GABRB1: variants seen among roughly 807,000 people sequenced by gnomAD.
GABRB1 encodes the protein gamma-aminobutyric acid receptor subunit beta-1.
In GABRB1, 17 loss-of-function variants were observed where a neutral mutation model predicts 51.6. The ratio of observed to expected loss-of-function variants is 0.33; its 90% CI spans 0.23 to 0.49. The LOEUF is 0.49. GABRB1 is among the 20% of genes least tolerant of loss of function. GABRB1 has a pLI of 0.99. For synonymous variants in GABRB1, 247 were observed against 218.9 expected (o/e 1.13, Z -1.14); for missense variants, 410 against 600.6 (o/e 0.68, Z 3.32).
intron 3 of GABRB1, among the ~76,000 whole-genome samples, chr4:47,053,661 C>T (rs897549502): frequency 6.6e-6 from 1 of 152,190 alleles, no homozygotes; most frequent in Non-Finnish European, 1.5e-5. Context: ...TGGGCTGTCA[C>T]TGGAAAGAAG....
chr4:47,387,715 G>C (rs903751430), intron 5 of GABRB1, among the ~76,000 whole-genome samples: 2 of 152,176 alleles, frequency 1.3e-5, no homozygotes, highest in Admixed American at 6.5e-5. Flanking sequence ...GGCATGGGGG[G>C]ATCTCATCCA....
At chr4:47,379,054 G>C (rs976555163) in intron 5 of GABRB1, among the ~76,000 whole-genome samples, 1 of 152,160 alleles carries the variant, frequency 6.6e-6, no homozygotes, top group African/African-American at 2.4e-5. Context: ...AATGCAATGT[G>C]AGATGTGGAT....
At chr4:47,156,985 T>A (rs1422548572) in intron 3 of GABRB1, among the ~76,000 whole-genome samples, 1 of 151,902 alleles carries the variant, frequency 6.6e-6, no homozygotes, top group Non-Finnish European at 1.5e-5. Flanking sequence ...AAAAATAAAT[T>A]TTTTAAAATG....
At chr4:47,419,082 A>G (rs1466199346) in intron 8 of GABRB1, among the ~76,000 whole-genome samples, 1 of 152,232 alleles carries the variant, frequency 6.6e-6, no homozygotes, top group African/African-American at 2.4e-5. Flanking sequence ...TAATTTTAGA[A>G]GGAGGGATGG....
chr4:47,319,864 G>A (rs973155017), intron 4 of GABRB1, among the ~76,000 whole-genome samples: 2 of 152,050 alleles, frequency 1.3e-5, no homozygotes, highest in African/African-American at 4.8e-5. Flanking sequence ...CTCCTTGTTC[G>A]TTATTGGTTT....
chr4:47,407,127 G>A (rs1385101314), intron 8 of GABRB1, among the ~76,000 whole-genome samples: 2 of 152,142 alleles, frequency 1.3e-5, no homozygotes, highest in Non-Finnish European at 2.9e-5. Flanking sequence ...ATATACCCTG[G>A]AACTCAACCC....
intron 4 of GABRB1, among the ~76,000 whole-genome samples, chr4:47,297,069 A>G (rs1430042710): frequency 3.9e-5 from 6 of 152,164 alleles, no homozygotes. Context: ...AACAAGAACA[A>G]AGACACAACA....
intron 3 of GABRB1, among the ~76,000 whole-genome samples, chr4:47,089,253 A>G (rs904450787): frequency 3.9e-5 from 6 of 152,136 alleles, no homozygotes; most frequent in African/African-American, 1.4e-4. Flanking sequence ...AGATTTTACT[A>G]CCGAGGGTGA....
At chr4:47,272,074 G>A (rs761667170) in intron 4 of GABRB1, among the ~76,000 whole-genome samples, 4 of 152,190 alleles carry the variant, frequency 2.6e-5, no homozygotes, top group African/African-American at 7.2e-5. Flanking sequence ...TTAACTACCC[G>A]TGTTCCTCTC....
intron 4 of GABRB1, among the ~76,000 whole-genome samples, chr4:47,310,911 C>A (rs1724643226): frequency 6.6e-6 from 1 of 151,860 alleles, no homozygotes; most frequent in African/African-American, 2.4e-5. Context: ...CGCCTGTAAT[C>A]CCAACACTTT....
At chr4:47,207,157 T>C (rs145856413) in intron 4 of GABRB1, among the ~76,000 whole-genome samples, 14 of 152,086 alleles carry the variant, frequency 9.2e-5, no homozygotes, top group East Asian at 3.9e-4. Flanking sequence ...TAACTTGTAG[T>C]ATCACAGCAC....
chr4:47,075,394 C>G (rs961382367), intron 3 of GABRB1, among the ~76,000 whole-genome samples: 9 of 152,152 alleles, frequency 5.9e-5, no homozygotes, highest in African/African-American at 1.9e-4. Context: ...ACCTGCAGTG[C>G]AAGCAGGGCT....
chr4:47,388,808 G>A (rs1178699975), intron 5 of GABRB1, among the ~76,000 whole-genome samples: 1 of 152,130 alleles, frequency 6.6e-6, no homozygotes, highest in African/African-American at 2.4e-5. Context: ...CCAGAGCCTG[G>A]AGAATAAAAG....
At chr4:46,995,561 T>C (rs1251679184) in intron 1 of GABRB1, among the ~76,000 whole-genome samples, 1 of 152,126 alleles carries the variant, frequency 6.6e-6, no homozygotes, top group Non-Finnish European at 1.5e-5. Context: ...GTGGGGGCTC[T>C]GCGATGTCAC....
intron 4 of GABRB1, among the ~76,000 whole-genome samples, chr4:47,164,341 G>A (rs1422011170): frequency 6.6e-6 from 1 of 152,010 alleles, no homozygotes. Flanking sequence ...ATGACAGTCT[G>A]CATTTTTCCT....
At chr4:47,180,307 A>C (rs1251754168) in intron 4 of GABRB1, among the ~76,000 whole-genome samples, 3 of 152,070 alleles carry the variant, frequency 2.0e-5, no homozygotes, top group Non-Finnish European at 2.9e-5. Flanking sequence ...CTTTGGTGGA[A>C]ATATTTATTC....
In GABRB1 at chr4:47,252,042, G is replaced by C. The variant is rs534326703; in HGVS notation, c.462-68085G>C. Reference sequence around the variant, plus strand: ...CCCTTTCAAATTGTTACAAAGTTCAGCTGGAGATATCCTTCTGGCTGTGGT... The same window carrying C: ...CCCTTTCAAATTGTTACAAAGTTCACCTGGAGATATCCTTCTGGCTGTGGT... On this transcript the variant is annotated intron_variant, in intron 4 of 8. Coordinates refer to ENST00000295454, the MANE Select transcript of GABRB1 (RefSeq NM_000812.4). 2.6e-5 allele frequency among the ~76,000 whole-genome samples: 4 copies of C among 152,144 alleles called. No homozygotes were observed. The East Asian group carries it at 7.7e-4, about 29-fold the overall frequency.
intron 4 of GABRB1, among the ~76,000 whole-genome samples, chr4:47,273,898 C>CACACACAG: frequency 6.6e-6 from 1 of 151,548 alleles, no homozygotes. Flanking sequence ...CACACACACA[C>CACACACAG]ACATTGAAGG....
intron 3 of GABRB1, among the ~76,000 whole-genome samples, chr4:47,109,579 G>A (rs537643438): frequency 3.9e-4 from 59 of 152,048 alleles, no homozygotes; most frequent in African/African-American, 1.3e-3. Context: ...TATAGGTGGC[G>A]GCCATGTGTA....
Sources: allele counts gnomAD v4.1 joint callset (sites outside exome capture counted in the v4.1 genomes callset), GRCh38; gene constraint gnomAD v4.1.1; transcripts MANE v1.5; gene names NCBI Gene and HGNC (gene_info 2026-07-23, HGNC 2026-07-21).